Variants in KIF26B observed in about 807,000 individuals in gnomAD.
The protein encoded by KIF26B is kinesin family member 26B.
A neutral mutation model predicts 151.2 loss-of-function variants in KIF26B; 63 were observed. That is an observed-to-expected ratio of 0.42 (90% CI 0.34 to 0.51). KIF26B has a LOEUF of 0.51. Ranked by LOEUF, KIF26B falls within the 20% of genes least tolerant of loss-of-function variation. The pLI, the probability that KIF26B is intolerant of heterozygous loss-of-function variation, is 0.07. For missense variants in KIF26B, 2,813 were observed against 2,913.6 expected (o/e 0.97, Z 0.79); for synonymous variants, 1,357 against 1,262.1 (o/e 1.08, Z -1.59).
chr1:245,191,239 C>T (rs897001948), intron 2 of KIF26B, among the ~76,000 whole-genome samples: 10 of 151,818 alleles, frequency 6.6e-5, no homozygotes, highest in Non-Finnish European at 1.5e-4. Context: ...CTTTGGGAGG[C>T]CGAGGCGGGC....
At chr1:245,268,470 A>AAATAATAATAAT (rs59590596) in intron 2 of KIF26B, among the ~76,000 whole-genome samples, 27 of 134,750 alleles carry the variant, frequency 2.0e-4, no homozygotes, top group East Asian at 4.4e-4. Context: ...CTCCATCTCC[A>AAATAATAATAAT]AATAATAATA....
At chr1:245,646,091 A>G (rs772990084) in intron 9 of KIF26B, 30 bp from the exon 10 acceptor site, 2 of 1,607,432 alleles carry the variant, frequency 1.2e-6, no homozygotes, top group Non-Finnish European at 1.7e-6. Context: ...GAACTTAACC[A>G]TTTCTCTTTT....
intron 2 of KIF26B, among the ~76,000 whole-genome samples, chr1:245,287,014 CAG>C (rs1671173440): frequency 6.6e-6 from 1 of 152,100 alleles, no homozygotes; most frequent in Non-Finnish European, 1.5e-5. Context: ...GAAGCAGAGA[CAG>C]GAGAATCGCT....
intron 2 of KIF26B, among the ~76,000 whole-genome samples, chr1:245,172,715 C>T (rs1448502583): frequency 6.6e-6 from 1 of 152,134 alleles, no homozygotes; most frequent in Non-Finnish European, 1.5e-5. Flanking sequence ...GAGGCTGAGG[C>T]AGGAGAATTG....
intron 2 of KIF26B, among the ~76,000 whole-genome samples, chr1:245,332,856 G>A (rs1391146812): frequency 1.3e-5 from 2 of 152,144 alleles, no homozygotes; most frequent in African/African-American, 2.4e-5. Flanking sequence ...GCTGTCGATG[G>A]CAGACTTAAG....
intron 2 of KIF26B, among the ~76,000 whole-genome samples, chr1:245,178,020 G>A (rs1282460941): frequency 6.6e-6 from 1 of 152,212 alleles, no homozygotes; most frequent in Non-Finnish European, 1.5e-5. Context: ...TTGTGCAGGT[G>A]AGCAGAGCTA....
rs555416825 is a variant in KIF26B at position 245,339,273 on chromosome 1, C to T, written c.466-27561C>T. ...AATTACAGGCATGAGCCACCGCACC[C>T]GGCCTTTTAGGCTATTCTTGTGGCC... On this transcript the variant is annotated intron_variant, in intron 2 of 14. Transcript: ENST00000407071. Among the ~76,000 whole-genome samples, 432 of 152,286 alleles carry T rather than the reference C, an allele frequency of 2.8e-3. 1 individual carries two copies. The highest frequency in any genetic ancestry group is 9.7e-3 in the African/African-American group (404 of 41,554).
In KIF26B at chr1:245,698,668, AAATGGTCTGTCATAGTCCAAG is replaced by A. The variant is rs1455267587; in HGVS notation, c.6028-200_6028-180del. Among the ~76,000 whole-genome samples, 9 of 149,292 alleles carry A rather than the reference AAATGGTCTGTCATAGTCCAAG, an allele frequency of 6.0e-5. No individual in the cohort carries two copies. The highest frequency in any genetic ancestry group is 1.9e-4 in the East Asian group (1 of 5,174). ...TTAAGAATGGCCTGTCATAGTCCAAAAATGGTCTGTCATAGTCCAAGAATGGTCTGTCATAGTCCTACCTTG... is the reference window on the plus strand; with the variant it reads ...TTAAGAATGGCCTGTCATAGTCCAAAAATGGTCTGTCATAGTCCTACCTTG... On this transcript the variant is annotated intron_variant, in intron 13 of 14. Transcript: ENST00000407071. The surrounding 1 kb of genome is among the most constrained non-coding windows in gnomAD (Gnocchi z 4.0).
intron 5 of KIF26B, among the ~76,000 whole-genome samples, chr1:245,577,848 T>C (rs371859342): frequency 6.7e-6 from 1 of 149,392 alleles, no homozygotes. Context: ...AAGAGCTTTG[T>C]GGAACTCCGG....
rs965326629 is a variant in KIF26B, at chr1:245,601,538, T to C, written c.1351-1039T>C. 1.3e-5 allele frequency among the ~76,000 whole-genome samples: 2 copies of C among 152,190 alleles called. No homozygotes were observed. Among genetic ancestry groups the C allele is most frequent in the African/African-American group, 4.8e-5 (2 of 41,446 alleles). On this transcript the variant is annotated intron_variant, in intron 5 of 14. Coordinates refer to ENST00000407071, the MANE Select transcript of KIF26B (RefSeq NM_018012.4). This position sits in a 1 kb window ranked among gnomAD's most constrained non-coding sequence, Gnocchi z 4.4. ...ACAGAGAGGAATTTAGAAATAATCC[T>C]TGTGCATACCTTCCGAAGTTGCCAC...
chr1:245,669,892 G>A (rs1430379342), intron 10 of KIF26B, among the ~76,000 whole-genome samples: 1 of 152,184 alleles, frequency 6.6e-6, no homozygotes, highest in Non-Finnish European at 1.5e-5. Flanking sequence ...CTCAGGAAGG[G>A]AAAGCCACAT....
At chr1:245,425,532 G>T (rs1295838573) in intron 4 of KIF26B, among the ~76,000 whole-genome samples, 1 of 152,032 alleles carries the variant, frequency 6.6e-6, no homozygotes, top group Non-Finnish European at 1.5e-5. Context: ...TCAGCCTCCC[G>T]AGTAGCTGGG....
chr1:245,381,193 G>A (rs1291276715), intron 3 of KIF26B, among the ~76,000 whole-genome samples: 2 of 152,200 alleles, frequency 1.3e-5, no homozygotes, highest in Non-Finnish European at 2.9e-5. Context: ...CCCGTGGCCT[G>A]AACAGATCTT....
chr1:245,661,438 G>T (rs1388790849), intron 10 of KIF26B, among the ~76,000 whole-genome samples: 1 of 151,854 alleles, frequency 6.6e-6, no homozygotes, highest in Non-Finnish European at 1.5e-5. Flanking sequence ...TGTTAGCGCA[G>T]TAACCTTCTG....
chr1:245,589,658 C>G (rs1396140748), intron 5 of KIF26B, among the ~76,000 whole-genome samples: 1 of 152,192 alleles, frequency 6.6e-6, no homozygotes, highest in East Asian at 1.9e-4. Context: ...GTCATTGCCT[C>G]TTTGTCTTAG....
intron 2 of KIF26B, among the ~76,000 whole-genome samples, chr1:245,328,617 G>T (rs1397346950): frequency 6.6e-6 from 1 of 152,172 alleles, no homozygotes; most frequent in African/African-American, 2.4e-5. Context: ...GCTCCTTCTA[G>T]CAAAGACCAG....
intron 2 of KIF26B, among the ~76,000 whole-genome samples, chr1:245,335,128 A>C (rs1460215069): frequency 6.6e-6 from 1 of 152,144 alleles, no homozygotes; most frequent in African/African-American, 2.4e-5. Context: ...TGGGGACTTC[A>C]GACTGTCTGT....
intron 2 of KIF26B, among the ~76,000 whole-genome samples, chr1:245,277,563 C>T (rs570821188): frequency 1.3e-5 from 2 of 152,166 alleles, no homozygotes; most frequent in Non-Finnish European, 2.9e-5. Context: ...GCCTCATTAA[C>T]CAAAACAAGT....
At chr1:245,465,833 G>A (rs1659777019) in intron 4 of KIF26B, among the ~76,000 whole-genome samples, 1 of 152,260 alleles carries the variant, frequency 6.6e-6, no homozygotes, top group East Asian at 1.9e-4. Flanking sequence ...TCAGCTGAGA[G>A]GCATCATGGG....
Sources: allele counts gnomAD v4.1 joint callset (sites outside exome capture counted in the v4.1 genomes callset), GRCh38; gene constraint gnomAD v4.1.1; non-coding constraint Gnocchi (gnomAD v3.1); transcripts MANE v1.5; gene names NCBI Gene and HGNC (gene_info 2026-07-23, HGNC 2026-07-21).